The following CLDN2 variants were observed in gnomAD, a reference collection of about 807,000 sequenced individuals.
The protein encoded by CLDN2 is claudin 2.
CLDN2 carries 1 observed loss-of-function variant against 8.2 expected under a neutral mutation model. The observed-to-expected ratio is 0.12, with a 90% CI of 0.04 to 0.58. The LOEUF (loss-of-function observed/expected upper bound fraction) is 0.58. Ranked by LOEUF, CLDN2 falls within the 20% of genes least tolerant of loss-of-function variation. CLDN2 has a pLI of 0.90. For synonymous variants in CLDN2, 70 were observed against 70.2 expected (o/e 1.00, Z 0.01); for missense variants, 108 against 172.9 (o/e 0.62, Z 2.11).
chrX:106,927,770 G>A (rs1029941688), intron 1 of CLDN2, among the ~76,000 whole-genome samples: 6 of 112,145 alleles, frequency 5.4e-5, no homozygotes, highest in Non-Finnish European at 1.1e-4. Context: ...AGGCCTTGGA[G>A]ACTAGCACTT....
At chrX:106,909,143 G>C (rs909497677) in intron 1 of CLDN2, among the ~76,000 whole-genome samples, 3 of 112,098 alleles carry the variant, frequency 2.7e-5, no homozygotes, top group Non-Finnish European at 5.6e-5. Flanking sequence ...TAAGAGTAGA[G>C]AACATTTGTT....
chrX:106,912,588 A>AT (rs1167186434), intron 1 of CLDN2, among the ~76,000 whole-genome samples: 2 of 108,638 alleles, frequency 1.8e-5, no homozygotes, highest in Non-Finnish European at 3.8e-5. Context: ...TAATTGTTTT[A>AT]TTTTTTTAGC....
chrX:106,901,832 C>A (rs779239140), intron 1 of CLDN2, among the ~76,000 whole-genome samples: 1 of 110,433 alleles, frequency 9.1e-6, no homozygotes, highest in African/African-American at 3.3e-5. Context: ...TCAGGGAGAT[C>A]GGGTGGGTGG....
rs778886832 is a variant in CLDN2, at chrX:106,923,376, G to A, written c.-179+2825G>A. Among the ~76,000 whole-genome samples the A allele has an allele frequency of 3.6e-5, 4 of 112,246 alleles. No homozygotes were observed. The South Asian group carries it at 1.5e-3, about 42-fold the overall frequency. ...ACTACTGGGTAGGTAATTCATTATT[G>A]CAGGATTGGGGCAGAAGTGGAATTA... On this transcript the variant is annotated intron_variant, in intron 1 of 1. Transcript: ENST00000336803.
intron 1 of CLDN2, among the ~76,000 whole-genome samples, chrX:106,907,925 TGA>T (rs1933201742): frequency 9.0e-6 from 1 of 111,540 alleles, no homozygotes; most frequent in African/African-American, 3.3e-5. Context: ...AATGAAAGAA[TGA>T]GAGTTATGTT....
At chrX:106,906,951 T>C (rs894789909) in intron 1 of CLDN2, among the ~76,000 whole-genome samples, 9 of 111,536 alleles carry the variant, frequency 8.1e-5, no homozygotes, top group African/African-American at 2.9e-4. Context: ...CCTCTCTCTA[T>C]TTTCTTTCCC....
intron 1 of CLDN2, among the ~76,000 whole-genome samples, chrX:106,904,355 G>A (rs777940494): frequency 1.8e-5 from 2 of 112,724 alleles, no homozygotes; most frequent in Non-Finnish European, 3.8e-5. Flanking sequence ...CAGAGGTCTC[G>A]AAAATATTCC....
rs766046266 is a variant in CLDN2, at chrX:106,927,342, C to T, written c.-178-709C>T. Among the ~76,000 whole-genome samples the T allele has an allele frequency of 1.1e-4, 12 of 111,423 alleles. No homozygotes were observed. The East Asian group carries it at 2.3e-3, about 21-fold the overall frequency. On this transcript the variant is annotated intron_variant, in intron 1 of 1. Transcript: ENST00000336803. ...ATGGCCCAGGGAATTTCAGGGCCCC[C>T]TCTCAGTCCTGGAACCCTTGTTCCA...
upstream of CLDN2, among the ~76,000 whole-genome samples, chrX:106,918,175 T>C (rs752144946): frequency 1.8e-5 from 2 of 112,690 alleles, no homozygotes; most frequent in East Asian, 2.8e-4. Context: ...CAGCATTTTC[T>C]ACTTGTCAAA....
chrX:106,926,108 T>C (rs960054014), intron 1 of CLDN2, among the ~76,000 whole-genome samples: 2 of 111,983 alleles, frequency 1.8e-5, no homozygotes, highest in African/African-American at 3.3e-5. Flanking sequence ...TGGTGGGACA[T>C]AGGGACTATA....
chrX:106,908,680 C>T (rs966802299), intron 1 of CLDN2, among the ~76,000 whole-genome samples: 1 of 107,910 alleles, frequency 9.3e-6, no homozygotes, highest in African/African-American at 3.4e-5. Context: ...CCTTGACTTC[C>T]TAGGCTCAAG....
chrX:106,922,803 G>A (rs1933409914), intron 1 of CLDN2, among the ~76,000 whole-genome samples: 1 of 110,943 alleles, frequency 9.0e-6, no homozygotes, highest in Non-Finnish European at 1.9e-5. Context: ...AAGTGCTTAG[G>A]TTTGGCTGGA....
upstream of CLDN2, among the ~76,000 whole-genome samples, chrX:106,917,816 G>A (rs746121045): frequency 3.6e-5 from 4 of 110,961 alleles, no homozygotes; most frequent in Non-Finnish European, 7.5e-5. Context: ...TTCTCAGACT[G>A]CTATTCTTTC....
At chrX:106,900,294 G>C (rs16987078) in exon 1 of CLDN2, 7,185 of 113,888 alleles carry the variant, frequency 0.063, 578 homozygotes, top group African/African-American at 0.22. Flanking sequence ...TTTCCACAGA[G>C]AGACGGGACT....
At chrX:106,922,286 C>T (rs1933404274) in intron 1 of CLDN2, among the ~76,000 whole-genome samples, 1 of 112,692 alleles carries the variant, frequency 8.9e-6, no homozygotes, top group Non-Finnish European at 1.9e-5. Context: ...TGAATAAGCT[C>T]CAATAACTTG....
chrX:106,928,943 G>A lies in CLDN2; in HGVS notation c.*22G>A. ...GTGAAGAACCAGGGGCCAGAGCTGGGGGGTGGCTGGGTCTGTGAAAAACAG... is the reference window on the plus strand; with the variant it reads ...GTGAAGAACCAGGGGCCAGAGCTGGAGGGTGGCTGGGTCTGTGAAAAACAG... On this transcript the variant is annotated 3_prime_UTR_variant, in exon 2 of 2. Transcript: ENST00000336803. 1 of 1,173,776 alleles carries A rather than the reference G, an allele frequency of 8.5e-7. No homozygotes were observed.
intron 1 of CLDN2, among the ~76,000 whole-genome samples, chrX:106,912,560 T>G (rs1396197771): frequency 9.1e-6 from 1 of 109,830 alleles, no homozygotes; most frequent in African/African-American, 3.3e-5. Flanking sequence ...ACTATAGGCT[T>G]GCGCCACCAT....
rs1484597649 is a variant in CLDN2 at position 106,902,211 on chromosome X, T to C, written c.-179+1707T>C. 1.0e-5 allele frequency: 12 copies of C among 1,174,401 alleles called. No homozygotes were observed. The East Asian group carries it at 3.5e-4, about 34-fold the overall frequency. On this transcript the variant is annotated intron_variant, in intron 1 of 1. Transcript: ENST00000541806. Reference sequence around the variant, plus strand: ...GACAGCCAGGGCCTCCAGAGACAAGTTCCTCTGGGACAAAGAGGAGAGATC... The same window carrying C: ...GACAGCCAGGGCCTCCAGAGACAAGCTCCTCTGGGACAAAGAGGAGAGATC...
intron 1 of CLDN2, among the ~76,000 whole-genome samples, chrX:106,911,865 C>T (rs73247968): frequency 4.5e-5 from 5 of 111,161 alleles, no homozygotes; most frequent in Non-Finnish European, 9.5e-5. Context: ...CCTTGGGGCT[C>T]TACGGTAGGG....
Sources: gnomAD v4.1 joint callset for allele counts (sites outside exome capture counted in the v4.1 genomes callset) on GRCh38, gnomAD v4.1.1 for gene constraint, MANE v1.5 for transcripts, NCBI Gene and HGNC (gene_info 2026-07-23, HGNC 2026-07-21) for gene names.